Variants in KLF12 observed in about 807,000 individuals in gnomAD.
KLF12 encodes Krueppel-like factor 12.
KLF12 carries 9 observed loss-of-function variants against 37.8 expected under a neutral mutation model. That is an observed-to-expected ratio of 0.24 (90% CI 0.14 to 0.42). The LOEUF (loss-of-function observed/expected upper bound fraction) is 0.42. Among genes scored for constraint, KLF12 ranks in the 10% least tolerant of loss-of-function variants. KLF12 has a pLI of 1.00. For synonymous variants in KLF12, 208 were observed against 202.1 expected (o/e 1.03, Z -0.25); for missense variants, 411 against 516.0 (o/e 0.80, Z 1.97).
intron 3 of KLF12, among the ~76,000 whole-genome samples, chr13:73,868,633 T>C (rs1035032625): frequency 6.6e-6 from 1 of 152,056 alleles, no homozygotes; most frequent in Non-Finnish European, 1.5e-5. Context: ...CCTCATGATT[T>C]GCCCACCTTG....
chr13:74,178,758 T>C, the KLF12 span, among the ~76,000 whole-genome samples: 2 of 152,202 alleles, frequency 1.3e-5, no homozygotes, highest in African/African-American at 4.8e-5. Flanking sequence ...AGGCTGACAC[T>C]GAGCATAGGA....
chr13:73,959,215 C>A (rs1440798840), intron 2 of KLF12, among the ~76,000 whole-genome samples: 2 of 150,290 alleles, frequency 1.3e-5, no homozygotes, highest in Admixed American at 1.3e-4. Flanking sequence ...AACCCTATTT[C>A]TCAGGCTAGC....
intron 6 of KLF12, among the ~76,000 whole-genome samples, chr13:73,763,634 T>C (rs974489735): frequency 6.6e-6 from 1 of 152,212 alleles, no homozygotes; most frequent in Non-Finnish European, 1.5e-5. Flanking sequence ...GTTTTACATT[T>C]AGCCATTGAG....
chr13:73,923,944 T>A (rs1358358083), intron 3 of KLF12, among the ~76,000 whole-genome samples: 1 of 152,224 alleles, frequency 6.6e-6, no homozygotes, highest in Admixed American at 6.5e-5. Flanking sequence ...GGCTATCCAC[T>A]GGAAATAATT....
chr13:74,163,471 A>G, the KLF12 span, among the ~76,000 whole-genome samples: 1 of 152,364 alleles, frequency 6.6e-6, no homozygotes, highest in African/African-American at 2.4e-5. Flanking sequence ...AAGTGAAATA[A>G]GCCAGGCACA....
At chr13:74,243,052 T>C in the KLF12 span, among the ~76,000 whole-genome samples, 1 of 152,202 alleles carries the variant, frequency 6.6e-6, no homozygotes, top group African/African-American at 2.4e-5. Context: ...ACCTATCATC[T>C]AGGTTTTAAG....
At chr13:73,982,596 G>C (rs1403363685) in intron 2 of KLF12, among the ~76,000 whole-genome samples, 1 of 152,084 alleles carries the variant, frequency 6.6e-6, no homozygotes, top group African/African-American at 2.4e-5. Context: ...AAAATTGTTG[G>C]GTTATCACAA....
At chr13:74,204,224 G>T in the KLF12 span, among the ~76,000 whole-genome samples, 1 of 152,084 alleles carries the variant, frequency 6.6e-6, no homozygotes, top group Non-Finnish European at 1.5e-5. Flanking sequence ...TAGCATTGTT[G>T]CACAATGGAA....
intron 3 of KLF12, among the ~76,000 whole-genome samples, chr13:73,928,117 C>G (rs1483352605): frequency 6.6e-6 from 1 of 152,092 alleles, no homozygotes; most frequent in African/African-American, 2.4e-5. Flanking sequence ...CAGCCTCCCA[C>G]AATGCTGGGA....
intron 7 of KLF12, among the ~76,000 whole-genome samples, chr13:73,700,006 C>A (rs1187865380): frequency 6.6e-6 from 1 of 152,084 alleles, no homozygotes; most frequent in African/African-American, 2.4e-5. Context: ...TGGTTCATGG[C>A]AGTAATCCCA....
intron 5 of KLF12, among the ~76,000 whole-genome samples, chr13:73,770,628 T>A (rs997152342): frequency 7.2e-5 from 11 of 151,952 alleles, no homozygotes; most frequent in African/African-American, 2.7e-4. Context: ...GCTCAAGCAA[T>A]TCTCCTGCCT....
In KLF12 at chr13:73,690,753, C is replaced by T. The variant is rs74415622; in HGVS notation, c.*4737G>A. 4.9e-3 allele frequency: 751 copies of T among 152,658 alleles called. 8 individuals are homozygous for T. The highest frequency in any genetic ancestry group is 0.017 in the African/African-American group (718 of 41,534). The allele number at this position is 152,658 out of a possible 1,614,324, so 9.5% of individuals were successfully genotyped here. On this transcript the variant is annotated 3_prime_UTR_variant, in exon 8 of 8. Coordinates refer to ENST00000377669, the MANE Select transcript of KLF12 (RefSeq NM_007249.5). ...GTGATGAAAACTAGAAGCTCTCTTT[C>T]CCAACATACTTCATCAAACTATTTA...
the KLF12 span, among the ~76,000 whole-genome samples, chr13:74,225,786 G>A: frequency 6.6e-6 from 1 of 152,084 alleles, no homozygotes; most frequent in East Asian, 1.9e-4. Flanking sequence ...GGTCCAGTTA[G>A]GGAGAGAAAA....
chr13:73,944,084 G>A lies in KLF12; in HGVS notation c.34-14C>T, dbSNP rs1165605165. 1 of 1,523,300 alleles carries A rather than the reference G, an allele frequency of 6.6e-7. No individual in the cohort carries two copies. The highest frequency in any genetic ancestry group is 9.1e-7 in the Non-Finnish European group (1 of 1,100,952). 94.4% of individuals were successfully genotyped at this position (1,523,300 alleles called of 1,614,324 possible). On this transcript the variant is annotated splice_polypyrimidine_tract_variant and intron_variant, in intron 2 of 7. Coordinates refer to ENST00000377669, the MANE Select transcript of KLF12 (RefSeq NM_007249.5). ...GGTGTTGATATTCTGAGAATAGAAG[G>A]GAGAGAGAAAGATTCAGCTCTAAAG...
At chr13:74,041,290 T>C (rs996607695) in intron 1 of KLF12, among the ~76,000 whole-genome samples, 1 of 152,220 alleles carries the variant, frequency 6.6e-6, no homozygotes, top group African/African-American at 2.4e-5. Flanking sequence ...TCATGTGCCC[T>C]GTAGTATAGT....
At chr13:74,198,645 T>C in the KLF12 span, among the ~76,000 whole-genome samples, 1 of 152,218 alleles carries the variant, frequency 6.6e-6, no homozygotes, top group African/African-American at 2.4e-5. Flanking sequence ...ATTTTGTTTC[T>C]AGTATTTTTT....
At chr13:73,719,788 G>A (rs1164216636) in intron 6 of KLF12, among the ~76,000 whole-genome samples, 4 of 152,020 alleles carry the variant, frequency 2.6e-5, no homozygotes, top group African/African-American at 9.7e-5. Context: ...TTTTTGTGGA[G>A]ACGGGGTTTT....
chr13:74,295,156 A>G, the KLF12 span, among the ~76,000 whole-genome samples: 6 of 152,196 alleles, frequency 3.9e-5, no homozygotes, highest in Non-Finnish European at 8.8e-5. Flanking sequence ...ATTTAGATGG[A>G]GGACTGTAGG....
chr13:74,287,522 A>G, the KLF12 span, among the ~76,000 whole-genome samples: 1 of 152,156 alleles, frequency 6.6e-6, no homozygotes, highest in Non-Finnish European at 1.5e-5. Context: ...ATTATGCTAT[A>G]CTTGCTTATA....
Sources: allele counts gnomAD v4.1 joint callset (sites outside exome capture counted in the v4.1 genomes callset), GRCh38; gene constraint gnomAD v4.1.1; transcripts MANE v1.5; gene names NCBI Gene and HGNC (gene_info 2026-07-23, HGNC 2026-07-21).